DNAJC13: variants seen among roughly 807,000 people sequenced by gnomAD.
DNAJC13 encodes DnaJ heat shock protein family (Hsp40) member C13.
Under a neutral mutation model 290.5 loss-of-function variants are expected in DNAJC13, and 75 were observed. That is an observed-to-expected ratio of 0.26 (90% confidence interval 0.21 to 0.31). DNAJC13 has a LOEUF of 0.31. Ranked by LOEUF, DNAJC13 falls within the 10% of genes least tolerant of loss-of-function variation. The pLI, the probability that DNAJC13 is intolerant of heterozygous loss-of-function variation, is 1.00. For missense variants in DNAJC13, 2,260 were observed against 2,674.5 expected (o/e 0.85, Z 3.42); for synonymous variants, 862 against 892.0 (o/e 0.97, Z 0.60).
At chr3:132,429,032 C>CA (rs1260440330) in intron 1 of DNAJC13, among the ~76,000 whole-genome samples, 2 of 151,990 alleles carry the variant, frequency 1.3e-5, no homozygotes, top group Non-Finnish European at 2.9e-5. Context: ...GGCGCCCAGC[C>CA]AAAAAATGTT....
intron 29 of DNAJC13, among the ~76,000 whole-genome samples, chr3:132,487,086 A>G (rs975199309): frequency 1.3e-5 from 2 of 152,138 alleles, no homozygotes; most frequent in African/African-American, 4.8e-5. Flanking sequence ...ATGTAATAGT[A>G]TGAAACGCTT....
chr3:132,475,021 C>T lies in DNAJC13; in HGVS notation c.2381C>T (p.Ala794Val). ...GATACTCTTGAATCTGAAATGAGAG[C>T]ATTTAATATTGACAGAGAACTTGGA... is the stretch of plus-strand genomic sequence containing the variant. ...LKDTLESEMRAFNIDRELGSA... is the reference protein window; with the variant it reads ...LKDTLESEMRVFNIDRELGSA... The change falls in exon 22 of 56, where the codon GCA (alanine) becomes GTA (valine). Residue 794 changes from alanine (A) to valine (V), a missense_variant. Physicochemically the swap from Ala to Val is moderately conservative, Grantham distance 64 (BLOSUM62 0). Around this residue, in one of 3 missense-constraint regions of DNAJC13, gnomAD observed 762 missense variants for 964.1 expected, o/e 0.79. Transcript: ENST00000260818. The T allele has an allele frequency of 6.2e-7, 1 of 1,610,934 alleles. No homozygotes were observed. Among genetic ancestry groups the T allele is most frequent in the Non-Finnish European group, 8.5e-7 (1 of 1,178,324 alleles).
Position 132,466,305 on chromosome 3 carries a change from G to T in DNAJC13, c.1975G>T (p.Gly659Cys). 1 of 1,586,916 alleles carries T rather than the reference G, an allele frequency of 6.3e-7. No individual in the cohort carries two copies. Among genetic ancestry groups the T allele is most frequent in the East Asian group, 2.2e-5 (1 of 44,744 alleles). ...TNLLKRILPP[G>C]LLAYLESSDL... is the part of the protein sequence containing the mutation. The stretch of plus-strand genomic sequence containing the variant: ...ATGGATTTTGTGTTTTTAGCCGCCA[G>T]GCTTGCTGGCATACTTGGAAAGCTC... The change falls in exon 19 of 56, where the codon GGC becomes TGC. Residue 659 changes from glycine to cysteine, a missense_variant. By Grantham distance (159) the Gly-to-Cys change is radical. This residue lies in a region of DNAJC13 where 762 missense variants were observed against 964.1 expected (regional missense o/e 0.79). Coordinates refer to ENST00000260818, the MANE Select transcript of DNAJC13 (RefSeq NM_015268.4).
At chr3:132,516,064 A>G (rs982347765) in intron 46 of DNAJC13, among the ~76,000 whole-genome samples, 14 of 152,196 alleles carry the variant, frequency 9.2e-5, no homozygotes, top group Non-Finnish European at 1.8e-4. Context: ...TAAAAATCTT[A>G]GATGCCTGAT....
At chr3:132,488,534 CT>C in intron 30 of DNAJC13, 82 bp downstream of exon 30, 1 of 1,303,764 alleles carries the variant, frequency 7.7e-7, no homozygotes. Context: ...TTGTGAGTAC[CT>C]TATTGCTTTT....
At chr3:132,499,018 ATTT>A in intron 36 of DNAJC13, 105 bp from the exon 37 acceptor site, 1 of 1,065,300 alleles carries the variant, frequency 9.4e-7, no homozygotes, top group Non-Finnish European at 1.3e-6. Context: ...GCCTGGCCCC[ATTT>A]TTATTTTTTT....
In DNAJC13 at chr3:132,538,470, C is replaced by G. The variant is rs988938204; in HGVS notation, c.*188C>G. Reference sequence around the variant, plus strand: ...TTGTATCACATTATAAGAAAGCACTCTGTGGATCAACATAAGTGGGTACAC... The same window carrying G: ...TTGTATCACATTATAAGAAAGCACTGTGTGGATCAACATAAGTGGGTACAC... On this transcript the variant is annotated 3_prime_UTR_variant, in exon 56 of 56. Transcript: ENST00000260818. 2 of 475,170 alleles carry G rather than the reference C, an allele frequency of 4.2e-6. No individual in the cohort carries two copies. Among genetic ancestry groups the G allele is most frequent in the Admixed American group, 4.0e-5 (1 of 25,300 alleles). The allele number at this position is 475,170 out of a possible 1,614,324, so 29.4% of individuals were successfully genotyped here. A position where few individuals can be genotyped will look rare whatever the true frequency, so the allele number is the denominator to read the frequency against.
intron 15 of DNAJC13, among the ~76,000 whole-genome samples, chr3:132,462,126 A>T (rs1933818118): frequency 6.6e-6 from 1 of 152,230 alleles, no homozygotes; most frequent in South Asian, 2.1e-4. Context: ...TATTTTATAC[A>T]GTACTATAGT....
intron 29 of DNAJC13, among the ~76,000 whole-genome samples, chr3:132,485,477 A>G (rs73860741): frequency 0.016 from 2,485 of 152,346 alleles, 56 homozygotes; most frequent in African/African-American, 0.056. Flanking sequence ...ATGCTGTGGA[A>G]GATTGAGCCT....
intron 30 of DNAJC13, 28 bp from the exon 31 acceptor site, chr3:132,488,948 C>T (rs1181874486): frequency 1.3e-6 from 2 of 1,556,676 alleles, no homozygotes; most frequent in Non-Finnish European, 1.8e-6. Flanking sequence ...GTTTCTATAT[C>T]TGATAGATAA....
intron 1 of DNAJC13, among the ~76,000 whole-genome samples, chr3:132,426,494 G>T (rs1576452886): frequency 6.6e-6 from 1 of 152,188 alleles, no homozygotes; most frequent in Admixed American, 6.5e-5. Flanking sequence ...GCAAATGCTA[G>T]TGATACAGCT....
intron 36 of DNAJC13, among the ~76,000 whole-genome samples, chr3:132,496,976 G>A (rs527894816): frequency 2.0e-5 from 3 of 152,248 alleles, no homozygotes; most frequent in East Asian, 1.9e-4. Flanking sequence ...AGACAGAATG[G>A]AATCTGGAAT....
chr3:132,501,927 A>G (rs1422184087), intron 39 of DNAJC13, among the ~76,000 whole-genome samples: 1 of 152,246 alleles, frequency 6.6e-6, no homozygotes, highest in East Asian at 1.9e-4. Flanking sequence ...TAAATCTTTT[A>G]ACAACTGCAC....
rs767765199 is a variant in DNAJC13 at position 132,495,085 on chromosome 3, C to T, written c.3942-3C>T. 1.9e-6 allele frequency: 3 copies of T among 1,610,264 alleles called. No individual in the cohort carries two copies. The highest frequency in any genetic ancestry group is 1.7e-5 in the Admixed American group (1 of 59,808). On this transcript the variant is annotated splice_polypyrimidine_tract_variant and splice_region_variant and intron_variant, in intron 34 of 55. Transcript: ENST00000260818. The stretch of plus-strand genomic sequence containing the variant: ...CTCATAAAACAATTTTCCTGTTTAA[C>T]AGGCATGATGAGAGCAAGATTAGGA...
intron 1 of DNAJC13, among the ~76,000 whole-genome samples, chr3:132,423,643 A>G (rs773905488): frequency 3.3e-5 from 5 of 152,250 alleles, no homozygotes; most frequent in Non-Finnish European, 7.3e-5. Context: ...AGCGCCACAG[A>G]AGAGGTAGGA....
rs574580376 is a variant in DNAJC13, at chr3:132,437,919, C to T, written c.68+3301C>T. ...TACAAAAATTAGTTGGGCATGGCGGCGCTCCCCTTTAGTCCTACCTACTTG... is the reference window on the plus strand; with the variant it reads ...TACAAAAATTAGTTGGGCATGGCGGTGCTCCCCTTTAGTCCTACCTACTTG... On this transcript the variant is annotated intron_variant, in intron 2 of 55. Coordinates refer to ENST00000260818, the MANE Select transcript of DNAJC13 (RefSeq NM_015268.4). Among the ~76,000 whole-genome samples, 152 of 151,994 alleles carry T rather than the reference C, an allele frequency of 1.0e-3. 1 individual carries two copies. The highest frequency in any genetic ancestry group is 3.4e-3 in the African/African-American group (139 of 41,470).
chr3:132,466,031 T>C lies in DNAJC13; in HGVS notation c.1929T>C (p.Ala643=). The change falls in exon 18 of 56, where the codon GCT becomes GCC. Residue 643 remains alanine, a synonymous_variant. Coordinates refer to ENST00000260818, the MANE Select transcript of DNAJC13 (RefSeq NM_015268.4). ...LSRHLVGLWT[A]DNATATNLLK... is the part of the protein sequence containing the mutation. ...GACATTTAGTGGGACTCTGGACAGC[T>C]GATAATGCAACTGCAACAAACTTGT... The C allele has an allele frequency of 6.2e-7, 1 of 1,614,054 alleles. No individual in the cohort carries two copies. The highest frequency in any genetic ancestry group is 8.5e-7 in the Non-Finnish European group (1 of 1,179,926).
In DNAJC13 at chr3:132,434,549, A is replaced by G. The variant is rs1003384423; in HGVS notation, c.-2A>G. 3.7e-6 allele frequency: 6 copies of G among 1,611,514 alleles called. No individual in the cohort carries two copies. The highest frequency in any genetic ancestry group is 5.1e-6 in the Non-Finnish European group (6 of 1,178,698). ...TTTTTATCTTCCAGGTTTGAGCACAAAATGAACATAATTAGGGAAAATAAG... is the reference window on the plus strand; with the variant it reads ...TTTTTATCTTCCAGGTTTGAGCACAGAATGAACATAATTAGGGAAAATAAG... On this transcript the variant is annotated 5_prime_UTR_variant, in exon 2 of 56. Transcript: ENST00000260818.
Position 132,453,360 on chromosome 3 carries a change from C to T in DNAJC13, c.600C>T (p.Asn200=). ...AAAGTGCAATAGACCATGCTGGTAA[C>T]TACATAGGTATTTCATTGCGGATCA... ...IIKSAIDHAG[N]YIGISLRIRK... is the part of the protein sequence containing the mutation. Residue 200 remains asparagine (N), a synonymous_variant, in exon 7 of 56, where the codon AAC becomes AAT. Transcript: ENST00000260818. 6.2e-7 allele frequency: 1 copy of T among 1,613,854 alleles called. No individual in the cohort carries two copies. The highest frequency in any genetic ancestry group is 8.5e-7 in the Non-Finnish European group (1 of 1,179,892).
Sources: allele counts gnomAD v4.1 joint callset (sites outside exome capture counted in the v4.1 genomes callset), GRCh38; gene constraint gnomAD v4.1.1; regional missense constraint gnomAD v4.1.1; transcripts MANE v1.5; gene names NCBI Gene and HGNC (gene_info 2026-07-23, HGNC 2026-07-21).